Variants in CACNA1C observed in about 807,000 individuals in gnomAD.
CACNA1C encodes the protein voltage-dependent L-type calcium channel subunit alpha-1C.
Under a neutral mutation model 229.0 loss-of-function variants are expected in CACNA1C, and 30 were observed. The ratio of observed to expected loss-of-function variants is 0.13; its 90% CI spans 0.10 to 0.18. CACNA1C has a LOEUF of 0.18. CACNA1C is among the 10% of genes least tolerant of loss of function. CACNA1C has a pLI of 1.00. For missense variants in CACNA1C, 1,658 were observed against 2,845.0 expected, an observed-to-expected ratio of 0.58 and a Z score of 9.49; for synonymous variants, 1,114 against 1,132.5, an observed-to-expected ratio of 0.98 and a Z score of 0.33.
rs116827096 is a variant in CACNA1C at position 2,474,881 on chromosome 12, C to A, written c.758-11223C>A. On this transcript the variant is annotated intron_variant, in intron 5 of 46. Transcript: ENST00000399655. ...GCCGAGGACAATTAGAAATGCTGGA[C>A]AAAATATTCTAAATCTTCTTTCTGG... Among the ~76,000 whole-genome samples the A allele has an allele frequency of 7.1e-3, 1,075 of 152,142 alleles. 8 individuals are homozygous for A. Among genetic ancestry groups the A allele is most frequent in the African/African-American group, 0.024 (978 of 41,516 alleles).
At position 2,654,550 on chromosome 12, in the gene CACNA1C, G is replaced by A. The variant is rs557196718; in HGVS notation, c.4141-597G>A. On this transcript the variant is annotated intron_variant, in intron 33 of 46. Coordinates refer to ENST00000399655, the MANE Select transcript of CACNA1C (RefSeq NM_000719.7). This position sits in a 1 kb window ranked among gnomAD's most constrained non-coding sequence, Gnocchi z 4.4. Reference sequence around the variant, plus strand: ...CCACACTAGCCCAAAGCGCTTCCTCGGCCGCTCCTTCAGGAAGTCCCCTAC... The same window carrying A: ...CCACACTAGCCCAAAGCGCTTCCTCAGCCGCTCCTTCAGGAAGTCCCCTAC... Among the ~76,000 whole-genome samples, 7 of 152,248 alleles carry A rather than the reference G, an allele frequency of 4.6e-5. No homozygotes were observed. Among genetic ancestry groups the A allele is most frequent in the East Asian group, 3.9e-4 (2 of 5,182 alleles).
At chr12:2,194,239 C>T (rs1348053489) in intron 3 of CACNA1C, among the ~76,000 whole-genome samples, 1 of 125,268 alleles carries the variant, frequency 8.0e-6, no homozygotes, top group Non-Finnish European at 1.7e-5. Context: ...TCCTTTTGTT[C>T]CTCCTCCACT....
intron 13 of CACNA1C, among the ~76,000 whole-genome samples, chr12:2,578,139 A>T (rs2059224136): frequency 6.6e-6 from 1 of 152,128 alleles, no homozygotes; most frequent in Non-Finnish European, 1.5e-5. Flanking sequence ...AAGTGCTGGG[A>T]TTACAGGCGT....
chr12:2,208,358 T>C (rs566304243), intron 3 of CACNA1C, among the ~76,000 whole-genome samples: 271 of 152,332 alleles, frequency 1.8e-3, no homozygotes, highest in African/African-American at 6.4e-3. Flanking sequence ...GGAGATGACG[T>C]GCACATCTGA....
chr12:2,561,410 A>T (rs2047415623), intron 11 of CACNA1C, among the ~76,000 whole-genome samples: 1 of 152,160 alleles, frequency 6.6e-6, no homozygotes. Flanking sequence ...GAGGCCTGTG[A>T]GCGCTGTGCT....
intron 3 of CACNA1C, among the ~76,000 whole-genome samples, chr12:2,260,346 C>A (rs776334413): frequency 2.6e-5 from 4 of 151,706 alleles, no homozygotes; most frequent in Non-Finnish European, 5.9e-5. Flanking sequence ...CATAATGCCA[C>A]GTGCCTGTAG....
At chr12:2,110,895 G>C (rs2238031) in intron 1 of CACNA1C, among the ~76,000 whole-genome samples, 88,051 of 151,890 alleles carry the variant, frequency 0.58, 26,149 homozygotes, top group Non-Finnish European at 0.64. Context: ...ACTTGGAGAA[G>C]GGGAGGCCCA....
chr12:2,412,661 T>C (rs2098821610), intron 3 of CACNA1C, among the ~76,000 whole-genome samples: 4 of 152,236 alleles, frequency 2.6e-5, no homozygotes, highest in South Asian at 2.1e-4. Context: ...CTCACTTTTT[T>C]TTGAACCAGA....
At chr12:2,019,431 G>C (rs545475774) in intron 1 of CACNA1C, among the ~76,000 whole-genome samples, 9 of 145,058 alleles carry the variant, frequency 6.2e-5, no homozygotes, top group African/African-American at 2.3e-4. Flanking sequence ...CTGCACTCTA[G>C]CCTAGGCCAC....
intron 3 of CACNA1C, among the ~76,000 whole-genome samples, chr12:2,180,579 C>A (rs1472784414): frequency 1.3e-5 from 2 of 152,204 alleles, no homozygotes; most frequent in Admixed American, 6.5e-5. Context: ...GGGCATGTGA[C>A]TACAGTGGCT....
At chr12:2,668,865 C>A in intron 37 of CACNA1C, 68 bp from the exon 38 acceptor site, 1 of 991,672 alleles carries the variant, frequency 1.0e-6, no homozygotes, top group Non-Finnish European at 1.6e-6. Flanking sequence ...ATCACTCTGC[C>A]ACGGTGTTCT....
At chr12:2,038,603 A>G (rs1322005589) in intron 1 of CACNA1C, among the ~76,000 whole-genome samples, 1 of 152,242 alleles carries the variant, frequency 6.6e-6, no homozygotes, top group African/African-American at 2.4e-5. Flanking sequence ...TGATAAGTCA[A>G]AGAAACATAA....
At chr12:2,196,914 T>C (rs2097422476) in intron 3 of CACNA1C, among the ~76,000 whole-genome samples, 1 of 152,200 alleles carries the variant, frequency 6.6e-6, no homozygotes, top group South Asian at 2.1e-4. Context: ...TCCAGAGTTG[T>C]TAGGAGCCAG....
chr12:2,372,306 A>G (rs2097890176), intron 3 of CACNA1C, among the ~76,000 whole-genome samples: 1 of 152,112 alleles, frequency 6.6e-6, no homozygotes, highest in South Asian at 2.1e-4. Flanking sequence ...AGCCTCCCCC[A>G]CATCTCCCCA....
Position 2,639,258 on chromosome 12 carries a change from C to T in CACNA1C, c.3912+4878C>T, listed in dbSNP as rs1171001301. ...CGATGTCCTGCTGCTCTAGGGAAGC[C>T]TCTTGCTCTTCCTCAGTGCTTGGGT... On this transcript the variant is annotated intron_variant, in intron 30 of 46. Transcript: ENST00000399655. This position sits in a 1 kb window ranked among gnomAD's most constrained non-coding sequence, Gnocchi z 4.2. 1.3e-5 allele frequency among the ~76,000 whole-genome samples: 2 copies of T among 152,206 alleles called. No individual in the cohort carries two copies. Among genetic ancestry groups the T allele is most frequent in the Non-Finnish European group, 2.9e-5 (2 of 68,040 alleles).
At chr12:2,194,981 G>T (rs192422377) in intron 3 of CACNA1C, among the ~76,000 whole-genome samples, 2 of 152,220 alleles carry the variant, frequency 1.3e-5, no homozygotes, top group African/African-American at 2.4e-5. Context: ...GGCTATGATG[G>T]GATCTGGTAG....
At chr12:2,420,148 T>TGTGTGTGTGTGTGTGTGTGTGG (rs58661833) in intron 3 of CACNA1C, among the ~76,000 whole-genome samples, 1 of 125,746 alleles carries the variant, frequency 8.0e-6, no homozygotes, top group Non-Finnish European at 1.8e-5. Flanking sequence ...TGTGTGTGTG[T>TGTGTGTGTGTGTGTGTGTGTGG]AGGGGGAGGG....
intron 3 of CACNA1C, among the ~76,000 whole-genome samples, chr12:2,380,823 G>C (rs538473806): frequency 6.6e-6 from 1 of 152,206 alleles, no homozygotes; most frequent in Non-Finnish European, 1.5e-5. Context: ...TGGGGGCCCT[G>C]CTTGGGAGTG....
At chr12:2,361,360 C>T (rs1214138633) in intron 3 of CACNA1C, among the ~76,000 whole-genome samples, 1 of 152,178 alleles carries the variant, frequency 6.6e-6, no homozygotes, top group African/African-American at 2.4e-5. Context: ...AATAGACTTT[C>T]CAGTGTCCTG....
Sources: gnomAD v4.1 joint callset for allele counts (sites outside exome capture counted in the v4.1 genomes callset) on GRCh38, gnomAD v4.1.1 for gene constraint, Gnocchi (gnomAD v3.1) non-coding constraint, MANE v1.5 for transcripts, NCBI Gene and HGNC (gene_info 2026-07-23, HGNC 2026-07-21) for gene names.